Variants in EIF2AK3 observed in about 807,000 individuals in gnomAD.
The protein encoded by EIF2AK3 is eukaryotic translation initiation factor 2-alpha kinase 3.
In EIF2AK3, 50 loss-of-function variants were observed where a neutral mutation model predicts 113.5. The observed-to-expected ratio is 0.44, with a 90% confidence interval of 0.35 to 0.56. EIF2AK3 has a LOEUF of 0.56. Ranked by LOEUF, EIF2AK3 falls within the 20% of genes least tolerant of loss-of-function variation. The pLI is 0.00. For synonymous variants in EIF2AK3, 448 were observed against 495.4 expected (o/e 0.90, Z 1.27); for missense variants, 1,185 against 1,378.0 (o/e 0.86, Z 2.22).
At position 88,562,158 on chromosome 2, in the gene EIF2AK3, A is replaced by G. The variant is rs575406257; in HGVS notation, c.3087+131T>C. 1.7e-4 allele frequency: 122 copies of G among 724,080 alleles called. No homozygotes were observed. The African/African-American group carries it at 1.9e-3, about 12-fold the overall frequency. The allele number at this position is 724,080 out of a possible 1,614,324, so 44.9% of individuals were successfully genotyped here. A position where few individuals can be genotyped will look rare whatever the true frequency, so the allele number is the denominator to read the frequency against. On this transcript the variant is annotated intron_variant, in intron 15 of 16. Coordinates refer to ENST00000303236, the MANE Select transcript of EIF2AK3 (RefSeq NM_004836.7). ...TCTAGAACTCCTCTCTGTGTTACTC[A>G]CATCACCTCTTTCACTTTTAGTTAA...
At chr2:88,614,308 C>T (rs1675522061) in intron 1 of EIF2AK3, among the ~76,000 whole-genome samples, 1 of 152,246 alleles carries the variant, frequency 6.6e-6, no homozygotes, top group East Asian at 1.9e-4. Context: ...AAGTGGACTC[C>T]ATGTATCTCA....
chr2:88,560,646 G>A (rs1270554286), intron 15 of EIF2AK3, among the ~76,000 whole-genome samples: 2 of 151,868 alleles, frequency 1.3e-5, no homozygotes, highest in African/African-American at 4.8e-5. Flanking sequence ...GATGCCATCT[G>A]ATTCTTGATC....
Position 88,588,871 on chromosome 2 carries a change from G to A in EIF2AK3, c.1196C>T (p.Ser399Leu). ...AAACTTTTCTGAAATTCTGACTGAT[G>A]ACTGCAGATACAGCTGGCCTCTATA... ...GMYRGQLYLQSSVRISEKFPS... is the reference protein window; with the variant it reads ...GMYRGQLYLQLSVRISEKFPS... Residue 399 changes from serine to leucine, a missense_variant, in exon 7 of 17, where the codon TCA becomes TTA. Ser to Leu is a moderately radical substitution (Grantham distance 145). Around this residue, in one of 3 missense-constraint regions of EIF2AK3, gnomAD observed 877 missense variants for 1,024.2 expected, o/e 0.86. Coordinates refer to ENST00000303236, the MANE Select transcript of EIF2AK3 (RefSeq NM_004836.7). The A allele has an allele frequency of 6.2e-7, 1 of 1,613,814 alleles. No homozygotes were observed. Among genetic ancestry groups the A allele is most frequent in the Non-Finnish European group, 8.5e-7 (1 of 1,179,868 alleles).
chr2:88,599,146 C>A (rs926847805), intron 2 of EIF2AK3, among the ~76,000 whole-genome samples: 4 of 152,020 alleles, frequency 2.6e-5, no homozygotes, highest in African/African-American at 9.7e-5. Flanking sequence ...TAATCAAACT[C>A]AAGACCATAC....
At chr2:88,577,742 A>G (rs1674498615) in intron 11 of EIF2AK3, among the ~76,000 whole-genome samples, 2 of 152,054 alleles carry the variant, frequency 1.3e-5, no homozygotes, top group Admixed American at 1.3e-4. Context: ...CATCTACTCC[A>G]GAACTCTCAC....
intron 2 of EIF2AK3, among the ~76,000 whole-genome samples, chr2:88,612,093 C>T (rs971470633): frequency 8.5e-5 from 13 of 152,140 alleles, no homozygotes; most frequent in South Asian, 2.1e-4. Context: ...GCTAATATAA[C>T]GGCTATGTGT....
chr2:88,588,784 G>T lies in EIF2AK3; in HGVS notation c.1283C>A (p.Thr428Lys), dbSNP rs766683603. Residue 428 changes from threonine to lysine, a missense_variant, in exon 7 of 17, where the codon ACA (threonine) becomes AAA (lysine). By Grantham distance (78) the Thr-to-Lys change is moderately conservative. Coordinates refer to ENST00000303236, the MANE Select transcript of EIF2AK3 (RefSeq NM_004836.7). ...TNENAIIPLP[T>K]IKWKPLIHSP... ...ACGAATTAAGGGTTTCCATTTGATT[G>T]TTGGTAAAGGAATAATTGCGTTTTC... is the stretch of plus-strand genomic sequence containing the variant. 1 of 1,613,738 alleles carries T rather than the reference G, an allele frequency of 6.2e-7. No homozygotes were observed. The highest frequency in any genetic ancestry group is 1.1e-5 in the South Asian group (1 of 91,070).
At chr2:88,574,314 CAAAA>C (rs1238337598) in intron 13 of EIF2AK3, among the ~76,000 whole-genome samples, 2 of 152,184 alleles carry the variant, frequency 1.3e-5, no homozygotes, top group African/African-American at 4.8e-5. Flanking sequence ...CATAGAAAAA[CAAAA>C]ACAAACAAAC....
chr2:88,593,147 A>AATAT, intron 4 of EIF2AK3, 125 bp downstream of exon 4: 4 of 1,110,566 alleles, frequency 3.6e-6, no homozygotes, highest in Non-Finnish European at 5.1e-6. Flanking sequence ...GTATCAAAAA[A>AATAT]ATATATATAT....
rs1331889033 is a variant in EIF2AK3 at position 88,575,148 on chromosome 2, T to C, written c.2335A>G (p.Asn779Asp). 3.1e-6 allele frequency: 5 copies of C among 1,613,948 alleles called. No individual in the cohort carries two copies. Among genetic ancestry groups the C allele is most frequent in the South Asian group, 2.2e-5 (2 of 91,094 alleles). The change falls in exon 13 of 17, where the codon AAT becomes GAT. Residue 779 changes from asparagine to aspartate, a missense_variant. Transcript: ENST00000303236. ...AGTTCAAAGGAGTGCCCCTCATCAT[T>C]GCCATCCATAGTCCCATCTTCCACA... ...CDVEDGTMDG[N>D]DEGHSFELCP...
chr2:88,595,993 A>C (rs1573410007), intron 2 of EIF2AK3: 1 of 388,360 alleles, frequency 2.6e-6, no homozygotes, highest in East Asian at 5.8e-5. Flanking sequence ...TGATCAAGTG[A>C]GTTCAAGAAG....
rs772535408 is a variant in EIF2AK3, at chr2:88,559,009, GTTTAT to G, written c.3088-35_3088-31del. ...AAAGAAAAAAAGTATCACTTATTAA[GTTTAT>G]TTTGACATACAACATGAAAATATTT... On this transcript the variant is annotated intron_variant, in intron 15 of 16. Transcript: ENST00000303236. 2.7e-4 allele frequency: 387 copies of G among 1,451,858 alleles called. 4 individuals carry two copies. The South Asian group carries it at 3.2e-3, about 12-fold the overall frequency. The allele number at this position is 1,451,858 out of a possible 1,614,324, so 89.9% of individuals were successfully genotyped here.
intron 15 of EIF2AK3, among the ~76,000 whole-genome samples, chr2:88,561,046 G>A (rs190267569): frequency 1.3e-3 from 202 of 152,188 alleles, no homozygotes; most frequent in African/African-American, 4.6e-3. Context: ...TGTCGCCCAG[G>A]CTGGAGTGCA....
Position 88,579,512 on chromosome 2 carries a change from C to A in EIF2AK3, c.1886+6G>T. ...TTTCAAGTTTACTGAAGGTACCACC[C>A]ATTACCTATTGGGGAGACGGATCCT... On this transcript the variant is annotated splice_donor_region_variant and intron_variant, in intron 11 of 16. Coordinates refer to ENST00000303236, the MANE Select transcript of EIF2AK3 (RefSeq NM_004836.7). 6.2e-7 allele frequency: 1 copy of A among 1,613,398 alleles called. No homozygotes were observed. Among genetic ancestry groups the A allele is most frequent in the South Asian group, 1.1e-5 (1 of 91,060 alleles).
chr2:88,589,830 C>T (rs1015921843), intron 6 of EIF2AK3, among the ~76,000 whole-genome samples: 1 of 151,868 alleles, frequency 6.6e-6, no homozygotes, highest in East Asian at 1.9e-4. Flanking sequence ...ATTACAGGTG[C>T]GTGCCACCAT....
chr2:88,626,118 C>T (rs1339350832), intron 1 of EIF2AK3, among the ~76,000 whole-genome samples: 1 of 152,060 alleles, frequency 6.6e-6, no homozygotes, highest in African/African-American at 2.4e-5. Context: ...TTGGCTGTCC[C>T]CCAAATTTAC....
At chr2:88,561,438 T>C (rs1673957812) in intron 15 of EIF2AK3, among the ~76,000 whole-genome samples, 1 of 152,084 alleles carries the variant, frequency 6.6e-6, no homozygotes, top group African/African-American at 2.4e-5. Flanking sequence ...ATTTTTTGTA[T>C]TTTTAGCAGA....
chr2:88,578,575 G>A (rs943766023), intron 11 of EIF2AK3, among the ~76,000 whole-genome samples: 13 of 151,942 alleles, frequency 8.6e-5, no homozygotes, highest in South Asian at 2.1e-4. Flanking sequence ...CCAGCTACTC[G>A]GGAGGCTGAG....
At position 88,574,746 on chromosome 2, in the gene EIF2AK3, C is replaced by A; in HGVS notation, c.2737G>T (p.Val913Leu). Residue 913 changes from valine (V) to leucine (L), a missense_variant, in exon 13 of 17, where the codon GTG becomes TTG. By Grantham distance (32) the Val-to-Leu change is conservative (BLOSUM62 1). Around this residue, in one of 3 missense-constraint regions of EIF2AK3, gnomAD observed 877 missense variants for 1,024.2 expected, o/e 0.86. Transcript: ENST00000303236. ...RCTIEERERS[V>L]CLHIFLQIAE... is the part of the protein sequence containing the mutation. ...ATCTGCAGGAAGATGTGCAGACACA[C>A]GCTCCTCTCTCTCTCCTCTATGGTA... is the stretch of plus-strand genomic sequence containing the variant. The A allele has an allele frequency of 6.2e-7, 1 of 1,614,198 alleles. No homozygotes were observed.
Sources: allele counts gnomAD v4.1 joint callset (sites outside exome capture counted in the v4.1 genomes callset), GRCh38; gene constraint gnomAD v4.1.1; regional missense constraint gnomAD v4.1.1; transcripts MANE v1.5; gene names NCBI Gene and HGNC (gene_info 2026-07-23, HGNC 2026-07-21).